ANKRD61: variants seen among roughly 807,000 people sequenced by gnomAD.
ANKRD61 encodes the protein ankyrin repeat domain 61, also known as ankyrin repeat domain-containing protein 61.
A neutral mutation model predicts 8.4 loss-of-function variants in ANKRD61; 7 were observed. That is an observed-to-expected ratio of 0.84 (90% CI 0.48 to 1.57). The LOEUF (loss-of-function observed/expected upper bound fraction) is 1.57. Among genes scored for constraint, ANKRD61 ranks in the 40% most tolerant of loss-of-function variants. ANKRD61 has a pLI of 0.00. For missense variants in ANKRD61, 516 were observed against 523.4 expected (o/e 0.99, Z 0.14); for synonymous variants, 198 against 208.0 (o/e 0.95, Z 0.41).
At position 6,035,380 on chromosome 7, in the gene ANKRD61, A is replaced by C. The variant is rs1583482747; in HGVS notation, c.315-64A>C. 1 of 1,407,426 alleles carries C rather than the reference A, an allele frequency of 7.1e-7. No homozygotes were observed. 87.2% of individuals were successfully genotyped at this position (1,407,426 alleles called of 1,614,324 possible). A position where few individuals can be genotyped will look rare whatever the true frequency, so the allele number is the denominator to read the frequency against. On this transcript the variant is annotated intron_variant, in intron 2 of 2. Coordinates refer to ENST00000409061, the MANE Select transcript of ANKRD61 (RefSeq NM_001271700.2). The surrounding 1 kb of genome is among the most constrained non-coding windows in gnomAD (Gnocchi z 5.5). ...ATAAATACTGGCTTCTTAAGCATTA[A>C]CTGTCCACGTAGAGCCGTTCCCACT...
intron 2 of ANKRD61, among the ~76,000 whole-genome samples, chr7:6,034,269 C>T (rs1417313817): frequency 1.3e-5 from 2 of 151,874 alleles, no homozygotes; most frequent in African/African-American, 4.8e-5. Flanking sequence ...ATCACGCCAC[C>T]ACACTCCAGC....
At chr7:6,034,844 C>G (rs538653237) in intron 2 of ANKRD61, among the ~76,000 whole-genome samples, 1 of 152,320 alleles carries the variant, frequency 6.6e-6, no homozygotes, top group African/African-American at 2.4e-5. Flanking sequence ...GAATGAACTT[C>G]GGAATGACCA....
chr7:6,031,727 A>G (rs892302463), intron 1 of ANKRD61, 136 bp downstream of exon 1: 6 of 840,620 alleles, frequency 7.1e-6, no homozygotes, highest in African/African-American at 1.7e-5. Context: ...CTCCACACAC[A>G]CTGCAGTGCT....
At chr7:6,034,013 G>C (rs62456200) in intron 2 of ANKRD61, among the ~76,000 whole-genome samples, 1 of 151,268 alleles carries the variant, frequency 6.6e-6, no homozygotes, top group East Asian at 2.0e-4. Context: ...CTATCCGAGT[G>C]AATGAAAGAA....
Position 6,035,322 on chromosome 7 carries a change from C to T in ANKRD61, c.315-122C>T, listed in dbSNP as rs1053365370. The T allele has an allele frequency of 1.3e-5, 13 of 994,128 alleles. No individual in the cohort carries two copies. Among genetic ancestry groups the T allele is most frequent in the African/African-American group, 3.3e-5 (2 of 61,096 alleles). 61.6% of individuals were successfully genotyped at this position (994,128 alleles called of 1,614,324 possible). ...ACCCAGCGATACAGATTTTGAAACA[C>T]GTCCTTAAGGTAATTGAAGGGTCTT... On this transcript the variant is annotated intron_variant, in intron 2 of 2. Transcript: ENST00000409061. The surrounding 1 kb of genome is among the most constrained non-coding windows in gnomAD (Gnocchi z 5.5).
In ANKRD61 at chr7:6,035,531, G is replaced by A. The variant is rs1277230504; in HGVS notation, c.402G>A (p.Thr134=). The A allele has an allele frequency of 5.2e-6, 8 of 1,550,984 alleles. No individual in the cohort carries two copies. Among genetic ancestry groups the A allele is most frequent in the East Asian group, 4.9e-5 (2 of 40,930 alleles). Residue 134 remains threonine, a synonymous_variant, in exon 3 of 3, where the codon ACG becomes ACA. Transcript: ENST00000409061. The surrounding 1 kb of genome is among the most constrained non-coding windows in gnomAD (Gnocchi z 5.5). ...CGTGGGCAAAACCAGGCAACAGAAC[G>A]CACAGGATCCTGACAGACATTCAGA... ...STTWAKPGNR[T]HRILTDIQNS...
Position 6,036,247 on chromosome 7 carries a change from C to T in ANKRD61, c.1118C>T (p.Pro373Leu). The T allele has an allele frequency of 6.5e-7, 1 of 1,550,210 alleles. No individual in the cohort carries two copies. Among genetic ancestry groups the T allele is most frequent in the Non-Finnish European group, 8.7e-7 (1 of 1,146,908 alleles). ...ACCCTAATAAAGCAATCGCAAAAAC[C>T]TTTATCCCTACAGGGTATCTGCAAA... ...RDTLIKQSQK[P>L]LSLQGICKRN... Residue 373 changes from proline to leucine, a missense_variant, in exon 3 of 3, where the codon CCT becomes CTT. Pro to Leu is a moderately conservative substitution (Grantham distance 98, BLOSUM62 -3). Transcript: ENST00000409061. This position sits in a 1 kb window ranked among gnomAD's most constrained non-coding sequence, Gnocchi z 4.6.
rs1471095736 is a variant in ANKRD61, at chr7:6,033,216, G to A, written c.314+280G>A. On this transcript the variant is annotated intron_variant, in intron 2 of 2. Transcript: ENST00000409061. This position sits in a 1 kb window ranked among gnomAD's most constrained non-coding sequence, Gnocchi z 4.4. The stretch of plus-strand genomic sequence containing the variant: ...ACTCCTGGCCTCAAGTGATCCACCT[G>A]CCTCGGCCTCCCAAAGTGCTGGGAT... Among the ~76,000 whole-genome samples the A allele has an allele frequency of 1.3e-5, 2 of 152,108 alleles. No homozygotes were observed. The highest frequency in any genetic ancestry group is 2.9e-5 in the Non-Finnish European group (2 of 68,000).
Position 6,031,465 on chromosome 7 carries a change from G to A in ANKRD61, c.90G>A (p.Ser30=), listed in dbSNP as rs1324997677. The A allele has an allele frequency of 1.0e-5, 16 of 1,550,578 alleles. No individual in the cohort carries two copies. Among genetic ancestry groups the A allele is most frequent in the Middle Eastern group, 1.7e-4 (1 of 6,014 alleles). Residue 30 remains serine (S), a synonymous_variant, in exon 1 of 3, where the codon TCG becomes TCA. Coordinates refer to ENST00000409061, the MANE Select transcript of ANKRD61 (RefSeq NM_001271700.2). ...LEDGPSAALH[S]KLYEAIMRED... is the part of the protein sequence containing the mutation. ...ATGGCCCATCTGCAGCACTTCACTC[G>A]AAACTCTATGAAGCCATCATGAGAG...
intron 1 of ANKRD61, among the ~76,000 whole-genome samples, chr7:6,031,972 G>A (rs905308727): frequency 2.0e-5 from 3 of 152,116 alleles, no homozygotes; most frequent in Admixed American, 6.6e-5. Flanking sequence ...TCAGGAGTTC[G>A]AGACCAGCCT....
chr7:6,033,215 T>A lies in ANKRD61; in HGVS notation c.314+279T>A, dbSNP rs7791669. Among the ~76,000 whole-genome samples, 1 of 152,092 alleles carries A rather than the reference T, an allele frequency of 6.6e-6. No individual in the cohort carries two copies. Among genetic ancestry groups the A allele is most frequent in the African/African-American group, 2.4e-5 (1 of 41,416 alleles). ...AACTCCTGGCCTCAAGTGATCCACC[T>A]GCCTCGGCCTCCCAAAGTGCTGGGA... On this transcript the variant is annotated intron_variant, in intron 2 of 2. Transcript: ENST00000409061. The surrounding 1 kb of genome is among the most constrained non-coding windows in gnomAD (Gnocchi z 4.4).
chr7:6,033,726 C>T lies in ANKRD61; in HGVS notation c.314+790C>T, dbSNP rs1053546440. On this transcript the variant is annotated intron_variant, in intron 2 of 2. Coordinates refer to ENST00000409061, the MANE Select transcript of ANKRD61 (RefSeq NM_001271700.2). This position sits in a 1 kb window ranked among gnomAD's most constrained non-coding sequence, Gnocchi z 4.4. ...CTGGGACTACAGGCGCCTGCCACCACGCCTGGCTAATTTTTTGTATTTTTA... is the reference window on the plus strand; with the variant it reads ...CTGGGACTACAGGCGCCTGCCACCATGCCTGGCTAATTTTTTGTATTTTTA... 4.6e-5 allele frequency among the ~76,000 whole-genome samples: 7 copies of T among 152,082 alleles called. No individual in the cohort carries two copies. Among genetic ancestry groups the T allele is most frequent in the Middle Eastern group, 3.4e-3 (1 of 292 alleles).
In ANKRD61 at chr7:6,033,211, C is replaced by T. The variant is rs531235089; in HGVS notation, c.314+275C>T. Among the ~76,000 whole-genome samples, 3 of 152,138 alleles carry T rather than the reference C, an allele frequency of 2.0e-5. No individual in the cohort carries two copies. Among genetic ancestry groups the T allele is most frequent in the Non-Finnish European group, 4.4e-5 (3 of 68,020 alleles). On this transcript the variant is annotated intron_variant, in intron 2 of 2. Coordinates refer to ENST00000409061, the MANE Select transcript of ANKRD61 (RefSeq NM_001271700.2). The surrounding 1 kb of genome is among the most constrained non-coding windows in gnomAD (Gnocchi z 4.4). Reference sequence around the variant, plus strand: ...CTTGAACTCCTGGCCTCAAGTGATCCACCTGCCTCGGCCTCCCAAAGTGCT... The same window carrying T: ...CTTGAACTCCTGGCCTCAAGTGATCTACCTGCCTCGGCCTCCCAAAGTGCT...
rs910266506 is a variant in ANKRD61, at chr7:6,032,241, T to C, written c.217-598T>C. Among the ~76,000 whole-genome samples, 19 of 152,248 alleles carry C rather than the reference T, an allele frequency of 1.2e-4. No individual in the cohort carries two copies. Among genetic ancestry groups the C allele is most frequent in the African/African-American group, 4.1e-4 (17 of 41,470 alleles). On this transcript the variant is annotated intron_variant, in intron 1 of 2. Transcript: ENST00000409061. The surrounding 1 kb of genome is among the most constrained non-coding windows in gnomAD (Gnocchi z 4.3). ...TACATTTTCATTTTCTAAATTTTTA[T>C]ACAATGATTATTACTTTTACAATTA... is the stretch of plus-strand genomic sequence containing the variant.
In ANKRD61 at chr7:6,035,901, GT is replaced by G; in HGVS notation, c.773del (p.Val258AlafsTer50). On this transcript the variant is annotated frameshift_variant, in exon 3 of 3. Coordinates refer to ENST00000409061, the MANE Select transcript of ANKRD61 (RefSeq NM_001271700.2). LOFTEE classifies it low-confidence loss of function (END_TRUNC). The surrounding 1 kb of genome is among the most constrained non-coding windows in gnomAD (Gnocchi z 5.5). ...AGCAGGCCGACTCCTCGGGGCGGGGGTCAGCTGCATCCGTCTGCTACTCACT... is the reference window on the plus strand; with the variant it reads ...AGCAGGCCGACTCCTCGGGGCGGGGGCAGCTGCATCCGTCTGCTACTCACT... ...SKAGRLLGAG[V>X]SCIRLLLTHG... 1 of 1,546,870 alleles carries G rather than the reference GT, an allele frequency of 6.5e-7. No homozygotes were observed. Among genetic ancestry groups the G allele is most frequent in the Non-Finnish European group, 8.7e-7 (1 of 1,144,632 alleles).
rs752828974 is a variant in ANKRD61, at chr7:6,035,241, C to G, written c.315-203C>G. ...CATAAAATGAAGCTAGGCCCCATCA[C>G]GTAGTGATGCATCCCACCACATCCC... is the stretch of plus-strand genomic sequence containing the variant. On this transcript the variant is annotated intron_variant, in intron 2 of 2. Transcript: ENST00000409061. The surrounding 1 kb of genome is among the most constrained non-coding windows in gnomAD (Gnocchi z 5.5). 6.6e-6 allele frequency among the ~76,000 whole-genome samples: 1 copy of G among 152,136 alleles called. No individual in the cohort carries two copies.
In ANKRD61 at chr7:6,032,716, C is replaced by A; in HGVS notation, c.217-123C>A. 5.8e-6 allele frequency: 4 copies of A among 694,340 alleles called. No individual in the cohort carries two copies. Among genetic ancestry groups the A allele is most frequent in the Middle Eastern group, 2.6e-4 (1 of 3,910 alleles). 43.0% of individuals were successfully genotyped at this position (694,340 alleles called of 1,614,324 possible). On this transcript the variant is annotated intron_variant, in intron 1 of 2. Coordinates refer to ENST00000409061, the MANE Select transcript of ANKRD61 (RefSeq NM_001271700.2). The surrounding 1 kb of genome is among the most constrained non-coding windows in gnomAD (Gnocchi z 4.3). ...GAAAGGAAACTTTCAATGCACATAC[C>A]AGAAAAAGAGTGAGCCAATGAGACA...
At position 6,036,186 on chromosome 7, in the gene ANKRD61, G is replaced by A. The variant is rs1014708363; in HGVS notation, c.1057G>A (p.Gly353Arg). 4 of 1,549,656 alleles carry A rather than the reference G, an allele frequency of 2.6e-6. No individual in the cohort carries two copies. In the Admixed American group the frequency reaches 5.9e-5, roughly 23 times the overall value. The change falls in exon 3 of 3, where the codon GGA becomes AGA. Residue 353 changes from glycine (G) to arginine (R), a missense_variant. Gly to Arg is a moderately radical substitution (Grantham distance 125). Coordinates refer to ENST00000409061, the MANE Select transcript of ANKRD61 (RefSeq NM_001271700.2). This position sits in a 1 kb window ranked among gnomAD's most constrained non-coding sequence, Gnocchi z 4.6. ...CAATAACCAAGGAATTCTACCTGCA[G>A]GAATCATGCTACCAGAATTCCGCCT... ...MTNNQGILPA[G>R]IMLPEFRLLR...
In ANKRD61 at chr7:6,032,343, C is replaced by T. The variant is rs1414976862; in HGVS notation, c.217-496C>T. The stretch of plus-strand genomic sequence containing the variant: ...CCACGGTGTGAAACCACTACTTACA[C>T]GTGTGTATTTTAAGAGCTGGCACAA... On this transcript the variant is annotated intron_variant, in intron 1 of 2. Transcript: ENST00000409061. The surrounding 1 kb of genome is among the most constrained non-coding windows in gnomAD (Gnocchi z 4.3). 6.6e-6 allele frequency among the ~76,000 whole-genome samples: 1 copy of T among 152,208 alleles called. No homozygotes were observed. The highest frequency in any genetic ancestry group is 6.5e-5 in the Admixed American group (1 of 15,284).
Sources: allele counts gnomAD v4.1 joint callset (sites outside exome capture counted in the v4.1 genomes callset), GRCh38; gene constraint gnomAD v4.1.1; non-coding constraint Gnocchi (gnomAD v3.1); transcripts MANE v1.5; gene names NCBI Gene and HGNC (gene_info 2026-07-23, HGNC 2026-07-21).